HTT: variants seen among roughly 807,000 people sequenced by gnomAD.
HTT encodes the protein huntington disease protein.
Under a neutral mutation model 362.3 loss-of-function variants are expected in HTT, and 104 were observed. That is an observed-to-expected ratio of 0.29 (90% CI 0.24 to 0.34). The LOEUF (loss-of-function observed/expected upper bound fraction) is 0.34. HTT is among the 10% of genes least tolerant of loss of function. HTT has a pLI of 1.00. For synonymous variants in HTT, 1,577 were observed against 1,548.7 expected (o/e 1.02, Z -0.43); for missense variants, 3,301 against 3,928.6 (o/e 0.84, Z 4.27).
chr4:3,134,614 A>C (rs957006070), intron 19 of HTT, 74 bp downstream of exon 19: 4 of 1,331,914 alleles, frequency 3.0e-6, no homozygotes, highest in African/African-American at 2.9e-5. Flanking sequence ...GATGCAAGGA[A>C]TGATGTTATC....
chr4:3,189,074 G>C lies in HTT; in HGVS notation c.5349G>C (p.Leu1783=). The part of the protein sequence containing the change: ...CQELGTLLMC[L]IHIFKSGMFR... Reference sequence around the variant, plus strand: ...AACTAGGCACACTGCTAATGTGTCTGATCCACATCTTCAAGTCTGGTAGGT... The same window carrying C: ...AACTAGGCACACTGCTAATGTGTCTCATCCACATCTTCAAGTCTGGTAGGT... Residue 1783 remains leucine, a synonymous_variant, in exon 40 of 67, where the codon CTG becomes CTC. Transcript: ENST00000355072. The C allele has an allele frequency of 6.2e-7, 1 of 1,614,092 alleles. No individual in the cohort carries two copies. Among genetic ancestry groups the C allele is most frequent in the Non-Finnish European group, 8.5e-7 (1 of 1,179,974 alleles).
At chr4:3,222,980 C>A (rs1273591589) in intron 54 of HTT, among the ~76,000 whole-genome samples, 2 of 152,124 alleles carry the variant, frequency 1.3e-5, no homozygotes, top group African/African-American at 4.8e-5. Context: ...AATGCAGGCC[C>A]TTGATTCTGA....
chr4:3,212,809 A>ACCAGT lies in HTT; in HGVS notation c.6774+107_6774+111dup, dbSNP rs1355434269. 14 of 1,250,892 alleles carry ACCAGT rather than the reference A, an allele frequency of 1.1e-5. No homozygotes were observed. The Admixed American group carries it at 2.6e-4, about 23-fold the overall frequency. The allele number at this position is 1,250,892 out of a possible 1,614,324, so 77.5% of individuals were successfully genotyped here. On this transcript the variant is annotated intron_variant, in intron 49 of 66. Transcript: ENST00000355072. ...TTTTATTTGAAAAGCAAGATCTCTG[A>ACCAGT]CCAGTCCAGTCACTTTTCCATCTCA... is the stretch of plus-strand genomic sequence containing the variant.
intron 10 of HTT, 166 bp downstream of exon 10, chr4:3,123,102 G>C (rs1715366484): frequency 2.2e-6 from 1 of 454,514 alleles, no homozygotes; most frequent in Non-Finnish European, 3.8e-6. Context: ...CTGATAACCA[G>C]GCCTGAATAG....
At position 3,182,347 on chromosome 4, in the gene HTT, C is replaced by G; in HGVS notation, c.4750-7C>G. On this transcript the variant is annotated splice_polypyrimidine_tract_variant and splice_region_variant and intron_variant, in intron 36 of 66. Coordinates refer to ENST00000355072, the MANE Select transcript of HTT (RefSeq NM_001388492.1). The stretch of plus-strand genomic sequence containing the variant: ...AGCAGACTTTCTAATTGTGCACGCT[C>G]TTATAGGTGTTGGAGATGTTCATTC... 1.3e-6 allele frequency: 2 copies of G among 1,593,332 alleles called. No individual in the cohort carries two copies. Among genetic ancestry groups the G allele is most frequent in the South Asian group, 2.2e-5 (2 of 90,616 alleles).
At chr4:3,147,338 C>G (rs568989755) in intron 25 of HTT, among the ~76,000 whole-genome samples, 35 of 152,280 alleles carry the variant, frequency 2.3e-4, no homozygotes, top group Admixed American at 7.8e-4. Context: ...AGTGGTCACA[C>G]AGAGTGGCCC....
chr4:3,122,325 C>T (rs913604556), intron 9 of HTT, among the ~76,000 whole-genome samples: 6 of 152,218 alleles, frequency 3.9e-5, no homozygotes, highest in African/African-American at 1.2e-4. Context: ...CTGCTGACTC[C>T]GGCCTCTCCT....
intron 49 of HTT, 45 bp from the exon 50 acceptor site, chr4:3,213,913 G>A (rs1720275042): frequency 3.5e-6 from 5 of 1,441,546 alleles, no homozygotes; most frequent in South Asian, 1.5e-5. Flanking sequence ...TTCCCCAAAC[G>A]AAGGTACACG....
chr4:3,193,271 A>G (rs563255189), intron 40 of HTT, among the ~76,000 whole-genome samples: 6 of 152,280 alleles, frequency 3.9e-5, no homozygotes, highest in Non-Finnish European at 8.8e-5. Flanking sequence ...CTTACTTGCT[A>G]TTATTGAAAT....
chr4:3,165,382 A>G (rs908131155), intron 29 of HTT, among the ~76,000 whole-genome samples: 3 of 151,820 alleles, frequency 2.0e-5, no homozygotes, highest in South Asian at 2.1e-4. Flanking sequence ...TCTGATGATT[A>G]TGTGTCTTGG....
Position 3,222,482 on chromosome 4 carries a change from C to T in HTT, c.7465C>T (p.Pro2489Ser). The T allele has an allele frequency of 6.2e-7, 1 of 1,613,450 alleles. No individual in the cohort carries two copies. The highest frequency in any genetic ancestry group is 1.1e-5 in the South Asian group (1 of 91,058). Residue 2489 changes from proline to serine, a missense_variant, in exon 54 of 67, where the codon CCA becomes TCA. Transcript: ENST00000355072. ...PLVMEQEESP[P>S]EEDTERTQIN... ...CGTGATGGAGCAGGAGGAGAGCCCA[C>T]CAGAAGTAAGGCCACACCCTGTGCT... is the stretch of plus-strand genomic sequence containing the variant.
intron 57 of HTT, among the ~76,000 whole-genome samples, chr4:3,226,637 A>C (rs1239091627): frequency 1.3e-5 from 2 of 152,192 alleles, no homozygotes; most frequent in Non-Finnish European, 2.9e-5. Context: ...GATTTAGTGA[A>C]AGCAGTTGTG....
chr4:3,149,194 A>G (rs572923703), intron 26 of HTT, among the ~76,000 whole-genome samples: 9 of 152,294 alleles, frequency 5.9e-5, no homozygotes, highest in East Asian at 1.9e-4. Flanking sequence ...TGTTCTGCCA[A>G]TCTCAGGGAC....
intron 63 of HTT, 120 bp downstream of exon 63, chr4:3,235,898 C>A: frequency 1.2e-6 from 1 of 838,752 alleles, no homozygotes; most frequent in Middle Eastern, 3.4e-4. Flanking sequence ...GGTGTTGCCC[C>A]AAGCCGGCCC....
At position 3,148,135 on chromosome 4, in the gene HTT, C is replaced by G. The variant is rs374106761; in HGVS notation, c.3426C>G (p.Phe1142Leu). 1 of 1,613,652 alleles carries G rather than the reference C, an allele frequency of 6.2e-7. No individual in the cohort carries two copies. The highest frequency in any genetic ancestry group is 1.1e-5 in the South Asian group (1 of 91,028). The change falls in exon 26 of 67, where the codon TTC becomes TTG. Residue 1142 changes from phenylalanine (F) to leucine (L), a missense_variant. Coordinates refer to ENST00000355072, the MANE Select transcript of HTT (RefSeq NM_001388492.1). ...RALVPMVEQL[F>L]SHLLKVINIC... is the part of the protein sequence containing the mutation. ...TGGTGCCCATGGTGGAGCAGCTCTT[C>G]TCTCACCTGCTGAAGGTGATTAACA...
chr4:3,189,105 A>C lies in HTT; in HGVS notation c.5368+12A>C, dbSNP rs1231770080. ...CATCTTCAAGTCTGGTAGGTGAATCACATTAGTCTTCCTGGAGTGTCTCGT... is the reference window on the plus strand; with the variant it reads ...CATCTTCAAGTCTGGTAGGTGAATCCCATTAGTCTTCCTGGAGTGTCTCGT... On this transcript the variant is annotated intron_variant, in intron 40 of 66. Coordinates refer to ENST00000355072, the MANE Select transcript of HTT (RefSeq NM_001388492.1). 2 of 1,613,590 alleles carry C rather than the reference A, an allele frequency of 1.2e-6. No homozygotes were observed. Among genetic ancestry groups the C allele is most frequent in the African/African-American group, 2.7e-5 (2 of 75,052 alleles).
chr4:3,187,922 C>A, intron 39 of HTT, 36 bp downstream of exon 39: 1 of 1,311,384 alleles, frequency 7.6e-7, no homozygotes, highest in Non-Finnish European at 1.1e-6. Context: ...CTAACCCATG[C>A]CTTTTGGGAA....
intron 29 of HTT, among the ~76,000 whole-genome samples, chr4:3,166,090 G>A (rs1404758784): frequency 6.6e-6 from 1 of 152,162 alleles, no homozygotes; most frequent in Non-Finnish European, 1.5e-5. Context: ...TACGGATGGG[G>A]TTTTGGTGTG....
At chr4:3,186,503 A>T (rs1202694493) in intron 37 of HTT, 94 bp from the exon 38 acceptor site, 7 of 1,368,310 alleles carry the variant, frequency 5.1e-6, no homozygotes, top group African/African-American at 1.4e-5. Context: ...TGAGATGATT[A>T]TGATGATTTG....
Sources: gnomAD v4.1 joint callset for allele counts (sites outside exome capture counted in the v4.1 genomes callset) on GRCh38, gnomAD v4.1.1 for gene constraint, MANE v1.5 for transcripts, NCBI Gene and HGNC (gene_info 2026-07-23, HGNC 2026-07-21) for gene names.